GLG1: variants seen among roughly 807,000 people sequenced by gnomAD.
The protein encoded by GLG1 is golgi glycoprotein 1, also known as Golgi apparatus protein 1.
A neutral mutation model predicts 160.5 loss-of-function variants in GLG1; 38 were observed. The observed-to-expected ratio is 0.24, with a 90% CI of 0.18 to 0.31. GLG1 has a LOEUF of 0.31. Among genes scored for constraint, GLG1 ranks in the 10% least tolerant of loss-of-function variants. GLG1 has a pLI of 1.00. For missense variants in GLG1, 1,373 were observed against 1,505.2 expected, an observed-to-expected ratio of 0.91 and a Z score of 1.45; for synonymous variants, 644 against 543.4, an observed-to-expected ratio of 1.19 and a Z score of -2.57.
intron 1 of GLG1, among the ~76,000 whole-genome samples, chr16:74,573,548 T>A (rs1240216619): frequency 1.3e-5 from 2 of 149,550 alleles, no homozygotes; most frequent in Non-Finnish European, 1.5e-5. Context: ...CTGGCATGAA[T>A]CCTCATCTTC....
chr16:74,603,768 A>G (rs1003670649), intron 1 of GLG1, among the ~76,000 whole-genome samples: 1 of 152,134 alleles, frequency 6.6e-6, no homozygotes, highest in African/African-American at 2.4e-5. Flanking sequence ...CTTTGGTATT[A>G]TTACTCCACC....
At chr16:74,549,780 C>CA (rs2018148028) in intron 1 of GLG1, among the ~76,000 whole-genome samples, 1 of 151,648 alleles carries the variant, frequency 6.6e-6, no homozygotes, top group Non-Finnish European at 1.5e-5. Context: ...ATGAAGTCCA[C>CA]AATGAACTAA....
rs192064920 is a variant in GLG1 at position 74,452,880 on chromosome 16, G to T, written c.*287C>A. On this transcript the variant is annotated 3_prime_UTR_variant, in exon 26 of 26. Transcript: ENST00000422840. The stretch of plus-strand genomic sequence containing the variant: ...AGGTGAGTTGGTTCTGGAAGTACCG[G>T]AAGTTCTGTTGGTATGAGAGAGACT... 119 of 1,114,068 alleles carry T rather than the reference G, an allele frequency of 1.1e-4. No individual in the cohort carries two copies. In the African/African-American group the frequency reaches 1.8e-3, roughly 17 times the overall value. The allele number at this position is 1,114,068 out of a possible 1,614,324, so 69.0% of individuals were successfully genotyped here. A position where few individuals can be genotyped will look rare whatever the true frequency, so the allele number is the denominator to read the frequency against.
chr16:74,574,787 G>A (rs372205427), intron 1 of GLG1, among the ~76,000 whole-genome samples: 6 of 139,280 alleles, frequency 4.3e-5, no homozygotes, highest in African/African-American at 1.6e-4. Context: ...GAAAGGCTGA[G>A]ACACAAGAAT....
chr16:74,523,465 G>A (rs1274057060), intron 2 of GLG1, among the ~76,000 whole-genome samples: 1 of 152,028 alleles, frequency 6.6e-6, no homozygotes, highest in Non-Finnish European at 1.5e-5. Flanking sequence ...TTAAAATCAC[G>A]TGGCAATTTT....
chr16:74,517,426 TAAACAG>T (rs1202186775), intron 2 of GLG1, among the ~76,000 whole-genome samples: 4 of 152,158 alleles, frequency 2.6e-5, no homozygotes, highest in African/African-American at 9.7e-5. Flanking sequence ...ATCCATCACA[TAAACAG>T]AATCAGTAAT....
intron 7 of GLG1, among the ~76,000 whole-genome samples, chr16:74,492,179 G>A (rs1485943124): frequency 6.8e-6 from 1 of 148,000 alleles, no homozygotes; most frequent in Non-Finnish European, 1.5e-5. Flanking sequence ...GAGGTCAGGA[G>A]ATCGAGACTA....
chr16:74,589,608 T>G (rs776807652), intron 1 of GLG1, among the ~76,000 whole-genome samples: 13 of 152,100 alleles, frequency 8.5e-5, no homozygotes, highest in Non-Finnish European at 1.8e-4. Flanking sequence ...GCAAGATGTG[T>G]ATGGAGCCAG....
chr16:74,600,204 C>G (rs1172002989), intron 1 of GLG1, among the ~76,000 whole-genome samples: 1 of 152,070 alleles, frequency 6.6e-6, no homozygotes, highest in Non-Finnish European at 1.5e-5. Context: ...AGTATACCTA[C>G]CACATCAAAT....
chr16:74,586,618 G>A (rs907491227), intron 1 of GLG1, among the ~76,000 whole-genome samples: 2 of 152,024 alleles, frequency 1.3e-5, no homozygotes, highest in African/African-American at 4.8e-5. Context: ...GGGACTACAG[G>A]AGCCTGCCAC....
At chr16:74,517,453 T>C (rs2017013021) in intron 2 of GLG1, among the ~76,000 whole-genome samples, 1 of 152,140 alleles carries the variant, frequency 6.6e-6, no homozygotes, top group Non-Finnish European at 1.5e-5. Context: ...AAAAACCACA[T>C]GATTATCACA....
intron 11 of GLG1, among the ~76,000 whole-genome samples, chr16:74,478,516 A>C (rs2143295228): frequency 6.6e-6 from 1 of 152,314 alleles, no homozygotes; most frequent in East Asian, 1.9e-4. Context: ...TGTTTAATGA[A>C]CACAGGGTTT....
At chr16:74,590,059 C>T (rs1958138313) in intron 1 of GLG1, among the ~76,000 whole-genome samples, 1 of 151,956 alleles carries the variant, frequency 6.6e-6, no homozygotes, top group Admixed American at 6.6e-5. Context: ...GGATGGAGTG[C>T]AGTGACACGA....
rs569807063 is a variant in GLG1, at chr16:74,465,580, C to A, written c.2667+96G>T. 4 of 1,309,370 alleles carry A rather than the reference C, an allele frequency of 3.1e-6. No individual in the cohort carries two copies. In the African/African-American group the frequency reaches 5.9e-5, roughly 19 times the overall value. The allele number at this position is 1,309,370 out of a possible 1,614,324, so 81.1% of individuals were successfully genotyped here. A position where few individuals can be genotyped will look rare whatever the true frequency, so the allele number is the denominator to read the frequency against. On this transcript the variant is annotated intron_variant, in intron 19 of 25. Transcript: ENST00000422840. Reference sequence around the variant, plus strand: ...TGCTGCTGCTCGTCTAGGGACCACACTTTGAGAAAGCTGAGCCTGAGGAAG... The same window carrying A: ...TGCTGCTGCTCGTCTAGGGACCACAATTTGAGAAAGCTGAGCCTGAGGAAG...
chr16:74,574,404 GCATTACTCAAAACT>G, intron 1 of GLG1, among the ~76,000 whole-genome samples: 1 of 152,090 alleles, frequency 6.6e-6, no homozygotes, highest in African/African-American at 2.4e-5. Context: ...TAGGGATACT[GCATTACTCAAAACT>G]GACTATGTTA....
chr16:74,475,946 C>A (rs2015377785), intron 12 of GLG1, among the ~76,000 whole-genome samples: 1 of 152,074 alleles, frequency 6.6e-6, no homozygotes, highest in African/African-American at 2.4e-5. Context: ...CTTTGGGAGG[C>A]CAAGACAGGT....
Position 74,477,511 on chromosome 16 carries a change from T to A in GLG1, c.1850A>T (p.Glu617Val). ...GRRLSRECRA[E>V]VQRILHQRAM... is the part of the protein sequence containing the mutation. ...ACGCTGGTGTAGGATCCTTTGGACT[T>A]CAGCTCGGCACTCCCGTGAGAGCTG... Residue 617 changes from glutamate (E) to valine (V), a missense_variant, in exon 12 of 26, where the codon GAA (glutamate) becomes GTA (valine). Around this residue, in one of 4 missense-constraint regions of GLG1, gnomAD observed 386 missense variants for 388.5 expected, o/e 0.99. Coordinates refer to ENST00000422840, the MANE Select transcript of GLG1 (RefSeq NM_001145667.2). 3 of 1,613,590 alleles carry A rather than the reference T, an allele frequency of 1.9e-6. No individual in the cohort carries two copies. Among genetic ancestry groups the A allele is most frequent in the Non-Finnish European group, 2.5e-6 (3 of 1,179,586 alleles).
chr16:74,535,829 T>C (rs1348493299), intron 1 of GLG1, among the ~76,000 whole-genome samples: 2 of 152,200 alleles, frequency 1.3e-5, no homozygotes, highest in African/African-American at 4.8e-5. Flanking sequence ...TTGAGATTCA[T>C]GGAACCAAAT....
chr16:74,601,643 C>G (rs1292710701), intron 1 of GLG1, among the ~76,000 whole-genome samples: 1 of 152,128 alleles, frequency 6.6e-6, no homozygotes, highest in Non-Finnish European at 1.5e-5. Flanking sequence ...GGATTTGAAA[C>G]TCTTTTCATA....
Sources: allele counts gnomAD v4.1 joint callset (sites outside exome capture counted in the v4.1 genomes callset), GRCh38; gene constraint gnomAD v4.1.1; regional missense constraint gnomAD v4.1.1; transcripts MANE v1.5; gene names NCBI Gene and HGNC (gene_info 2026-07-23, HGNC 2026-07-21).